The following SART3 variants were observed in gnomAD, a reference collection of about 807,000 sequenced individuals.
SART3 encodes spliceosome associated factor 3, U4/U6 recycling protein.
SART3 carries 44 observed loss-of-function variants against 122.3 expected under a neutral mutation model. The observed-to-expected ratio is 0.36, with a 90% CI of 0.28 to 0.46. The LOEUF (loss-of-function observed/expected upper bound fraction) is 0.46. Among genes scored for constraint, SART3 ranks in the 20% least tolerant of loss-of-function variants. SART3 has a pLI of 1.00. For missense variants in SART3, 1,101 were observed against 1,229.0 expected, an observed-to-expected ratio of 0.90 and a Z score of 1.56; for synonymous variants, 442 against 454.0, an observed-to-expected ratio of 0.97 and a Z score of 0.34.
chr12:108,525,205 G>C (rs1872315849), intron 17 of SART3, among the ~76,000 whole-genome samples: 1 of 152,224 alleles, frequency 6.6e-6, no homozygotes, highest in South Asian at 2.1e-4. Flanking sequence ...CACAGCCAGG[G>C]GCCATAGTGT....
chr12:108,525,034 C>A (rs1199427231), intron 17 of SART3, among the ~76,000 whole-genome samples: 1 of 152,094 alleles, frequency 6.6e-6, no homozygotes, highest in Non-Finnish European at 1.5e-5. Flanking sequence ...ACTGAGGGGG[C>A]AAGAAGGAAA....
In SART3 at chr12:108,535,371, T is replaced by C. The variant is rs765685425; in HGVS notation, c.1544A>G (p.Tyr515Cys). The change falls in exon 12 of 19, where the codon TAC (tyrosine) becomes TGC (cysteine). Residue 515 changes from tyrosine to cysteine, a missense_variant. Coordinates refer to ENST00000546815, the MANE Select transcript of SART3 (RefSeq NM_014706.4). Reference sequence around the variant, plus strand: ...CGAGATCAGTTACCTTTCCAGGTTGTAATACTCTAGCCACATGTTGGCGTA... The same window carrying C: ...CGAGATCAGTTACCTTTCCAGGTTGCAATACTCTAGCCACATGTTGGCGTA... The part of the protein sequence containing the change: ...AKYANMWLEY[Y>C]NLERAHGDTQ... 6.8e-6 allele frequency: 11 copies of C among 1,613,710 alleles called. No homozygotes were observed. The highest frequency in any genetic ancestry group is 9.3e-6 in the Non-Finnish European group (11 of 1,179,786).
intron 18 of SART3, 38 bp from the exon 19 acceptor site, chr12:108,523,672 C>T: frequency 6.4e-7 from 1 of 1,565,170 alleles, no homozygotes; most frequent in Non-Finnish European, 8.8e-7. Context: ...TTTGAAGCAA[C>T]AATTCGTGGC....
At chr12:108,560,742 G>A (rs759070032) in intron 1 of SART3, 101 bp downstream of exon 1, 11 of 1,098,112 alleles carry the variant, frequency 1.0e-5, no homozygotes, top group Non-Finnish European at 1.4e-5. Context: ...TTGCAGCCTT[G>A]GCGGCTTTAT....
In SART3 at chr12:108,545,336, A is replaced by G. The variant is rs757429166; in HGVS notation, c.545-13T>C. On this transcript the variant is annotated splice_polypyrimidine_tract_variant and intron_variant, in intron 3 of 18. Coordinates refer to ENST00000546815, the MANE Select transcript of SART3 (RefSeq NM_014706.4). The stretch of plus-strand genomic sequence containing the variant: ...CAAATGTTAGGACCTAAAAATAAGA[A>G]GTGTTCAATTAGTTTGGGATATAAA... 1 of 1,613,806 alleles carries G rather than the reference A, an allele frequency of 6.2e-7. No individual in the cohort carries two copies. Among genetic ancestry groups the G allele is most frequent in the Admixed American group, 1.7e-5 (1 of 60,028 alleles).
At chr12:108,550,453 T>A (rs2052424) in intron 1 of SART3, among the ~76,000 whole-genome samples, 130,924 of 152,258 alleles carry the variant, frequency 0.86, 56,386 homozygotes, top group East Asian at 0.94. Context: ...GAAGATTCCC[T>A]CACTTCATTC....
chr12:108,535,237 C>A, intron 12 of SART3, 122 bp downstream of exon 12: 1 of 789,402 alleles, frequency 1.3e-6, no homozygotes, highest in Middle Eastern at 3.5e-4. Context: ...CTGAAAGAGA[C>A]AGAATGAAAG....
chr12:108,555,288 G>C (rs917023688), intron 1 of SART3, among the ~76,000 whole-genome samples: 1 of 152,146 alleles, frequency 6.6e-6, no homozygotes, highest in African/African-American at 2.4e-5. Context: ...TAAACATCAA[G>C]CACTATAAAG....
At chr12:108,536,934 A>AT in intron 9 of SART3, 149 bp from the exon 10 acceptor site, 1 of 739,952 alleles carries the variant, frequency 1.4e-6, no homozygotes, top group Non-Finnish European at 2.3e-6. Flanking sequence ...TCCTGCCCTC[A>AT]TCACATAGTT....
intron 1 of SART3, 39 bp from the exon 2 acceptor site, chr12:108,549,253 T>C: frequency 6.2e-7 from 1 of 1,609,056 alleles, no homozygotes; most frequent in Non-Finnish European, 8.5e-7. Flanking sequence ...TAAAACACCG[T>C]CATCAAGTAA....
At chr12:108,559,630 A>T (rs1006467780) in intron 1 of SART3, among the ~76,000 whole-genome samples, 6 of 137,924 alleles carry the variant, frequency 4.4e-5, no homozygotes, top group Non-Finnish European at 7.6e-5. Context: ...GTGCCATTGC[A>T]CTCCAGTCTG....
Position 108,522,499 on chromosome 12 carries a change from C to A in SART3, c.*958G>T, listed in dbSNP as rs1872173582. The A allele has an allele frequency of 1.3e-5, 2 of 152,172 alleles. No individual in the cohort carries two copies. Among genetic ancestry groups the A allele is most frequent in the Admixed American group, 6.5e-5 (1 of 15,276 alleles). 9.4% of individuals were successfully genotyped at this position (152,172 alleles called of 1,614,324 possible). A position where few individuals can be genotyped will look rare whatever the true frequency, so the allele number is the denominator to read the frequency against. On this transcript the variant is annotated 3_prime_UTR_variant, in exon 19 of 19. Coordinates refer to ENST00000546815, the MANE Select transcript of SART3 (RefSeq NM_014706.4). The stretch of plus-strand genomic sequence containing the variant: ...ATAAAAGATGTGAGGTAAAAAAGCT[C>A]AAAAGCTCCAGTGTCAAACTGCTAT...
chr12:108,527,823 C>T (rs113623057), intron 15 of SART3, among the ~76,000 whole-genome samples: 17,167 of 152,108 alleles, frequency 0.11, 1,382 homozygotes, highest in Admixed American at 0.27. Flanking sequence ...TGGAGTGCAA[C>T]GGCATGATCT....
intron 15 of SART3, among the ~76,000 whole-genome samples, chr12:108,528,331 A>C (rs1872492174): frequency 6.6e-6 from 1 of 151,916 alleles, no homozygotes; most frequent in South Asian, 2.1e-4. Context: ...AAAATACAAA[A>C]ATTAGCTGGG....
intron 1 of SART3, among the ~76,000 whole-genome samples, chr12:108,550,103 G>C (rs1314856657): frequency 1.3e-5 from 2 of 151,388 alleles, no homozygotes; most frequent in Non-Finnish European, 2.9e-5. Flanking sequence ...TGAGTGACAG[G>C]TACATAAAGT....
In SART3 at chr12:108,526,393, C is replaced by T. The variant is rs1381943920; in HGVS notation, c.2076G>A (p.Met692Ile). 1 of 1,614,080 alleles carries T rather than the reference C, an allele frequency of 6.2e-7. No individual in the cohort carries two copies. The highest frequency in any genetic ancestry group is 8.5e-7 in the Non-Finnish European group (1 of 1,179,954). ...TGCTGCTGTCGTGCAGCACCTTGGG[C>T]ATGTCCCTCTTCAGGGAGGCTGCCT... ...KEKAASLKRDMPKVLHDSSKD... is the reference protein window; with the variant it reads ...KEKAASLKRDIPKVLHDSSKD... Residue 692 changes from methionine (M) to isoleucine (I), a missense_variant, in exon 16 of 19, where the codon ATG becomes ATA. Around this residue, in one of 2 missense-constraint regions of SART3, gnomAD observed 885 missense variants for 1,080.1 expected, o/e 0.82. Transcript: ENST00000546815.
At chr12:108,535,673 C>T in intron 11 of SART3, 1 of 619,894 alleles carries the variant, frequency 1.6e-6, no homozygotes. Flanking sequence ...AGCTAATCTA[C>T]CTATGTTTCC....
chr12:108,560,948 C>A lies in SART3; in HGVS notation c.207G>T (p.Glu69Asp). 1 of 1,614,044 alleles carries A rather than the reference C, an allele frequency of 6.2e-7. No homozygotes were observed. The highest frequency in any genetic ancestry group is 8.5e-7 in the Non-Finnish European group (1 of 1,179,978). Residue 69 changes from glutamate (E) to aspartate (D), a missense_variant, in exon 1 of 19, where the codon GAG becomes GAT. Glu to Asp is a conservative substitution (Grantham distance 45, BLOSUM62 2). Around this residue, in one of 2 missense-constraint regions of SART3, gnomAD observed 216 missense variants for 148.9 expected, o/e 1.45. Transcript: ENST00000546815. ...TCTCCGCGGAGGAAGCCATGGCGTA[C>A]TCATCCCCATCGCTCTCGCTCACGC... ...EEGVSESDGD[E>D]YAMASSAESS... is the part of the protein sequence containing the mutation.
chr12:108,550,992 A>G (rs1392678696), intron 1 of SART3, among the ~76,000 whole-genome samples: 1 of 152,248 alleles, frequency 6.6e-6, no homozygotes, highest in Non-Finnish European at 1.5e-5. Context: ...GAATAAACCA[A>G]CAATTGCCTT....
Sources: allele counts gnomAD v4.1 joint callset (sites outside exome capture counted in the v4.1 genomes callset), GRCh38; gene constraint gnomAD v4.1.1; regional missense constraint gnomAD v4.1.1; transcripts MANE v1.5; gene names NCBI Gene and HGNC (gene_info 2026-07-23, HGNC 2026-07-21).